The following DMD variants were observed in gnomAD, a reference collection of about 807,000 sequenced individuals.
DMD encodes mutant dystrophin.
In DMD, 63 loss-of-function variants were observed where a neutral mutation model predicts 330.1. The ratio of observed to expected loss-of-function variants is 0.19; its 90% CI spans 0.16 to 0.24. The LOEUF (loss-of-function observed/expected upper bound fraction) is 0.24, where lower values mean the gene tolerates loss of function less well. Among genes scored for constraint, DMD ranks in the 10% least tolerant of loss-of-function variants. The pLI is 1.00. For missense variants in DMD, 3,344 were observed against 2,684.1 expected (o/e 1.25, Z -5.43); for synonymous variants, 1,223 against 959.8 (o/e 1.27, Z -5.07).
At position 33,045,710 on chromosome X, in the gene DMD, A is replaced by G. The variant is rs1315368188; in HGVS notation, c.32-25510T>C. Among the ~76,000 whole-genome samples, 3 of 111,198 alleles carry G rather than the reference A, an allele frequency of 2.7e-5. No homozygotes were observed. In the East Asian group the frequency reaches 8.5e-4, roughly 32 times the overall value. On this transcript the variant is annotated intron_variant, in intron 1 of 78. Coordinates refer to ENST00000357033, the MANE Select transcript of DMD (RefSeq NM_004006.3). The stretch of plus-strand genomic sequence containing the variant: ...CCTTTTCAAATAAGAGGAACATTAT[A>G]ATGTCCTCTTAGGGAACCAAAGTCC...
intron 38 of DMD, 100 bp downstream of exon 38, chrX:32,348,306 A>T: frequency 1.2e-6 from 1 of 841,300 alleles, no homozygotes; most frequent in Non-Finnish European, 1.8e-6. Flanking sequence ...TAAAATGTGT[A>T]ATATGTGCTC....
At chrX:31,632,347 A>G (rs2079178571) in intron 54 of DMD, among the ~76,000 whole-genome samples, 1 of 112,085 alleles carries the variant, frequency 8.9e-6, no homozygotes, top group South Asian at 3.7e-4. Context: ...ATACTGTGGA[A>G]TTGTAAGTGT....
At chrX:33,059,162 A>G (rs1189659924) in intron 1 of DMD, among the ~76,000 whole-genome samples, 1 of 111,453 alleles carries the variant, frequency 9.0e-6, no homozygotes, top group Non-Finnish European at 1.9e-5. Context: ...TCTCACTCGT[A>G]GATTATTTTA....
At chrX:32,677,076 C>A (rs180745586) in intron 9 of DMD, among the ~76,000 whole-genome samples, 5,495 of 110,669 alleles carry the variant, frequency 0.05, 308 homozygotes, top group African/African-American at 0.17. Flanking sequence ...TGTAATTTCA[C>A]TGACAAATGA....
intron 52 of DMD, among the ~76,000 whole-genome samples, chrX:31,726,162 T>G (rs948807767): frequency 7.1e-5 from 8 of 112,516 alleles, no homozygotes; most frequent in African/African-American, 2.6e-4. Flanking sequence ...AGATTATTAC[T>G]GCATGATTTC....
intron 51 of DMD, among the ~76,000 whole-genome samples, chrX:31,768,802 T>C (rs1018843265): frequency 1.3e-4 from 15 of 112,219 alleles, no homozygotes; most frequent in African/African-American, 4.8e-4. Context: ...TTGAACTTCA[T>C]GTGTGCTTTA....
intron 2 of DMD, among the ~76,000 whole-genome samples, chrX:32,935,979 G>A (rs2089989211): frequency 9.0e-6 from 1 of 111,686 alleles, no homozygotes; most frequent in Non-Finnish European, 1.9e-5. Flanking sequence ...ACGAGCAAAA[G>A]GAAGAGGCAA....
intron 2 of DMD, among the ~76,000 whole-genome samples, chrX:32,854,408 AG>A (rs1377390190): frequency 9.0e-6 from 1 of 111,313 alleles, no homozygotes; most frequent in Non-Finnish European, 1.9e-5. Flanking sequence ...ACAAAACACA[AG>A]GGAATTAATC....
rs1186014718 is a variant in DMD at position 31,218,670 on chromosome X, T to C, written c.9361+4377A>G. On this transcript the variant is annotated intron_variant, in intron 64 of 78. Transcript: ENST00000357033. ...CAGGTTTTGTACTAAGCATTGGGGA[T>C]ACCAAGATGAAGGGAAAAGGCCTAG... Among the ~76,000 whole-genome samples the C allele has an allele frequency of 7.1e-5, 8 of 111,944 alleles. No individual in the cohort carries two copies. The Admixed American group carries it at 7.6e-4, about 11-fold the overall frequency.
chrX:32,636,995 C>CAA (rs374402951), intron 11 of DMD, among the ~76,000 whole-genome samples: 3 of 95,737 alleles, frequency 3.1e-5, no homozygotes, highest in African/African-American at 7.7e-5. Flanking sequence ...GACTCTGTCT[C>CAA]AAAAAAAAAA....
chrX:32,235,727 C>A (rs1182701038), intron 43 of DMD, among the ~76,000 whole-genome samples: 1 of 111,074 alleles, frequency 9.0e-6, no homozygotes. Flanking sequence ...ATAAAAGTGG[C>A]CTTCACTTTG....
At chrX:32,878,507 G>A (rs1197887554) in intron 2 of DMD, among the ~76,000 whole-genome samples, 1 of 111,937 alleles carries the variant, frequency 8.9e-6, no homozygotes, top group African/African-American at 3.2e-5. Flanking sequence ...ATGTTACTAA[G>A]ATAGCATTTC....
At chrX:32,680,160 C>G (rs746657533) in intron 9 of DMD, among the ~76,000 whole-genome samples, 1 of 109,241 alleles carries the variant, frequency 9.2e-6, no homozygotes, top group East Asian at 2.9e-4. Flanking sequence ...GATCCGCCTG[C>G]TTCGGCCTCC....
intron 1 of DMD, among the ~76,000 whole-genome samples, chrX:33,242,220 A>G (rs773648614): frequency 9.0e-6 from 1 of 111,633 alleles, no homozygotes; most frequent in Admixed American, 9.5e-5. Flanking sequence ...CCCAAGCAGT[A>G]TACACAGCAC....
intron 1 of DMD, among the ~76,000 whole-genome samples, chrX:33,317,533 T>C (rs1603430225): frequency 9.0e-6 from 1 of 111,646 alleles, no homozygotes; most frequent in African/African-American, 3.2e-5. Flanking sequence ...TCCCATATAC[T>C]ATAAAAACTT....
chrX:33,077,195 C>T (rs533662374), intron 1 of DMD, among the ~76,000 whole-genome samples: 1 of 111,517 alleles, frequency 9.0e-6, no homozygotes, highest in African/African-American at 3.3e-5. Context: ...ATTTCTAACA[C>T]TGTGGCTGAT....
intron 16 of DMD, among the ~76,000 whole-genome samples, chrX:32,560,427 A>C (rs2050859662): frequency 9.0e-6 from 1 of 111,126 alleles, no homozygotes. Context: ...AATTATAATA[A>C]ATTTCTTACT....
At chrX:32,632,489 T>A (rs2058799541) in intron 11 of DMD, among the ~76,000 whole-genome samples, 1 of 112,399 alleles carries the variant, frequency 8.9e-6, no homozygotes, top group African/African-American at 3.2e-5. Context: ...AAGCCCACAT[T>A]TTCCCTCTGC....
chrX:31,779,854 C>T (rs780900166), intron 50 of DMD, among the ~76,000 whole-genome samples: 1 of 111,488 alleles, frequency 9.0e-6, no homozygotes, highest in Non-Finnish European at 1.9e-5. Flanking sequence ...GTGGTTTTCC[C>T]TCCATAGTTA....
Sources: allele counts gnomAD v4.1 joint callset (sites outside exome capture counted in the v4.1 genomes callset), GRCh38; gene constraint gnomAD v4.1.1; transcripts MANE v1.5; gene names NCBI Gene and HGNC (gene_info 2026-07-23, HGNC 2026-07-21).